The following TLL1 variants were observed in gnomAD, a reference collection of about 807,000 sequenced individuals.
TLL1 encodes tolloid like 1.
In TLL1, 49 loss-of-function variants were observed where a neutral mutation model predicts 128.2. The ratio of observed to expected loss-of-function variants is 0.38; its 90% confidence interval spans 0.30 to 0.48. TLL1 has a LOEUF of 0.48. Among genes scored for constraint, TLL1 ranks in the 20% least tolerant of loss-of-function variants. TLL1 has a pLI of 0.96. For synonymous variants in TLL1, 454 were observed against 418.8 expected (o/e 1.08, Z -1.03); for missense variants, 1,123 against 1,242.0 (o/e 0.90, Z 1.44).
chr4:165,905,040 G>A (rs1459683557), intron 1 of TLL1, among the ~76,000 whole-genome samples: 1 of 152,146 alleles, frequency 6.6e-6, no homozygotes, highest in Non-Finnish European at 1.5e-5. Flanking sequence ...TACTGGACCA[G>A]TACCCCTCCA....
At chr4:165,989,566 G>A in intron 2 of TLL1, 75 bp downstream of exon 2, 1 of 1,118,090 alleles carries the variant, frequency 8.9e-7, no homozygotes, top group Non-Finnish European at 1.4e-6. Context: ...AAATATTTTT[G>A]GATCATTTTT....
At chr4:165,895,149 A>G (rs1731613518) in intron 1 of TLL1, among the ~76,000 whole-genome samples, 1 of 152,162 alleles carries the variant, frequency 6.6e-6, no homozygotes, top group African/African-American at 2.4e-5. Flanking sequence ...GTCAAGTTCT[A>G]GTTAATGCAG....
chr4:165,995,730 CTTATCTA>C (rs1404164447), intron 5 of TLL1, among the ~76,000 whole-genome samples: 7 of 152,140 alleles, frequency 4.6e-5, no homozygotes, highest in African/African-American at 1.7e-4. Context: ...CTTCCTCCAT[CTTATCTA>C]TTTAATATTT....
At chr4:165,962,828 A>G (rs1362789096) in intron 1 of TLL1, among the ~76,000 whole-genome samples, 2 of 151,868 alleles carry the variant, frequency 1.3e-5, no homozygotes, top group Non-Finnish European at 2.9e-5. Flanking sequence ...CAAATACCAA[A>G]TGCTCTCATT....
At chr4:166,047,739 A>G (rs1007741392) in intron 12 of TLL1, among the ~76,000 whole-genome samples, 12 of 152,126 alleles carry the variant, frequency 7.9e-5, no homozygotes, top group Non-Finnish European at 1.8e-4. Context: ...TTGAGCAGGA[A>G]GGAACACTAT....
intron 16 of TLL1, 114 bp downstream of exon 16, chr4:166,065,977 A>G: frequency 4.8e-6 from 2 of 414,808 alleles, no homozygotes; most frequent in Non-Finnish European, 3.7e-6. Flanking sequence ...GAAGATAAGT[A>G]GGCCTTACAA....
In TLL1 at chr4:165,943,051, A is replaced by G. The variant is rs548827644; in HGVS notation, c.170-46330A>G. On this transcript the variant is annotated intron_variant, in intron 1 of 20. Transcript: ENST00000061240. ...TCAAGTTCCCTTTATTCGCCTTTAA[A>G]TTTGCAACATTTGTCTAGGTACGTT... is the stretch of plus-strand genomic sequence containing the variant. 6.6e-5 allele frequency among the ~76,000 whole-genome samples: 10 copies of G among 152,196 alleles called. No individual in the cohort carries two copies. The South Asian group carries it at 2.1e-3, about 32-fold the overall frequency.
Position 165,985,819 on chromosome 4 carries a change from T to C in TLL1, c.170-3562T>C, listed in dbSNP as rs1736370338. 1.3e-5 allele frequency among the ~76,000 whole-genome samples: 2 copies of C among 152,048 alleles called. 1 individual carries two copies. Among genetic ancestry groups the C allele is most frequent in the South Asian group, 4.1e-4 (2 of 4,836 alleles). ...ATGTTTGTTGTGCATTAACGGCAAA[T>C]AACCTTTAGGAGAAAAACAAAACCT... is the stretch of plus-strand genomic sequence containing the variant. On this transcript the variant is annotated intron_variant, in intron 1 of 20. Coordinates refer to ENST00000061240, the MANE Select transcript of TLL1 (RefSeq NM_012464.5).
chr4:166,074,768 C>T, intron 16 of TLL1, 110 bp from the exon 17 acceptor site: 1 of 1,350,580 alleles, frequency 7.4e-7, no homozygotes, highest in African/African-American at 1.4e-5. Flanking sequence ...ACAGGAGAAA[C>T]CATGACTTAG....
chr4:166,027,287 A>AGTTT (rs1579642917), intron 9 of TLL1, among the ~76,000 whole-genome samples: 2 of 152,212 alleles, frequency 1.3e-5, no homozygotes, highest in East Asian at 3.9e-4. Flanking sequence ...ACCTATGGGT[A>AGTTT]GTTTGTACTT....
chr4:166,021,299 C>G (rs944835619), intron 8 of TLL1, among the ~76,000 whole-genome samples: 1 of 151,626 alleles, frequency 6.6e-6, no homozygotes, highest in Non-Finnish European at 1.5e-5. Context: ...CAGATATTCC[C>G]TCATTTAGTG....
At chr4:165,994,277 C>G (rs1736763882) in intron 3 of TLL1, 104 bp from the exon 4 acceptor site, 2 of 1,402,770 alleles carry the variant, frequency 1.4e-6, no homozygotes, top group South Asian at 2.5e-5. Flanking sequence ...GGCATTTATA[C>G]AAAAAATATG....
At chr4:165,894,408 A>G (rs1041718004) in intron 1 of TLL1, among the ~76,000 whole-genome samples, 9 of 152,192 alleles carry the variant, frequency 5.9e-5, no homozygotes, top group South Asian at 2.1e-4. Flanking sequence ...GCAAACTGGT[A>G]CTTAACGGAG....
At chr4:166,022,013 A>G (rs761051749) in intron 8 of TLL1, among the ~76,000 whole-genome samples, 6 of 152,256 alleles carry the variant, frequency 3.9e-5, no homozygotes, top group Non-Finnish European at 1.5e-5. Context: ...ATCTCTTTTA[A>G]TATTTCCTTA....
intron 1 of TLL1, 121 bp from the exon 2 acceptor site, chr4:165,989,260 G>C (rs1012300746): frequency 2.2e-5 from 16 of 739,074 alleles, no homozygotes; most frequent in Admixed American, 1.4e-4. Context: ...ATTACTTTCT[G>C]AAAGATCTGT....
At chr4:166,072,803 C>A (rs763765982) in intron 16 of TLL1, among the ~76,000 whole-genome samples, 1 of 152,010 alleles carries the variant, frequency 6.6e-6, no homozygotes, top group Non-Finnish European at 1.5e-5. Context: ...TCATGCATGG[C>A]AATCCAAATA....
chr4:165,897,787 G>C (rs564691011), intron 1 of TLL1, among the ~76,000 whole-genome samples: 7 of 151,024 alleles, frequency 4.6e-5, no homozygotes, highest in Middle Eastern at 3.4e-3. Context: ...TAGCTGGATG[G>C]GGATAGCATT....
At chr4:166,089,394 A>C (rs1741661461) in intron 18 of TLL1, among the ~76,000 whole-genome samples, 1 of 152,116 alleles carries the variant, frequency 6.6e-6, no homozygotes, top group South Asian at 2.1e-4. Flanking sequence ...GAATTTTCAT[A>C]CTTGAGGTTG....
At chr4:165,929,175 G>A (rs890683739) in intron 1 of TLL1, among the ~76,000 whole-genome samples, 1 of 152,148 alleles carries the variant, frequency 6.6e-6, no homozygotes, top group South Asian at 2.1e-4. Context: ...GGGGTTCTTA[G>A]TGTGAACTAA....
Sources: allele counts gnomAD v4.1 joint callset (sites outside exome capture counted in the v4.1 genomes callset), GRCh38; gene constraint gnomAD v4.1.1; transcripts MANE v1.5; gene names NCBI Gene and HGNC (gene_info 2026-07-23, HGNC 2026-07-21).